FSTL5: variants seen among roughly 807,000 people sequenced by gnomAD.
The protein encoded by FSTL5 is follistatin-related protein 5.
A neutral mutation model predicts 89.1 loss-of-function variants in FSTL5; 62 were observed. The observed-to-expected ratio is 0.70, with a 90% CI of 0.57 to 0.86. FSTL5 has a LOEUF of 0.86. Ranked by LOEUF, FSTL5 falls within the 40% of genes least tolerant of loss-of-function variation. FSTL5 has a pLI of 0.00. For synonymous variants in FSTL5, 383 were observed against 346.2 expected, an observed-to-expected ratio of 1.11 and a Z score of -1.18; for missense variants, 1,057 against 1,001.6, an observed-to-expected ratio of 1.06 and a Z score of -0.75.
At chr4:161,778,550 G>A (rs1397218983) in intron 4 of FSTL5, among the ~76,000 whole-genome samples, 1 of 152,172 alleles carries the variant, frequency 6.6e-6, no homozygotes, top group Non-Finnish European at 1.5e-5. Flanking sequence ...ATGATAGACT[G>A]TCTTTATTTT....
rs537860429 is a variant in FSTL5, at chr4:161,990,849, T to C, written c.160+42776A>G. 3.3e-5 allele frequency among the ~76,000 whole-genome samples: 5 copies of C among 152,282 alleles called. No homozygotes were observed. The South Asian group carries it at 1.0e-3, about 32-fold the overall frequency. ...AATATGTGAGCTACAACACACACAA[T>C]TTGAAATTGAACTGTGGAGACCTAA... On this transcript the variant is annotated intron_variant, in intron 3 of 15. Coordinates refer to ENST00000306100, the MANE Select transcript of FSTL5 (RefSeq NM_020116.5).
intron 15 of FSTL5, among the ~76,000 whole-genome samples, chr4:161,445,707 A>G (rs1449637034): frequency 6.6e-6 from 1 of 152,002 alleles, no homozygotes; most frequent in Non-Finnish European, 1.5e-5. Flanking sequence ...CAATTTAGAT[A>G]TAATACAGTT....
At chr4:161,996,648 C>A (rs1480036476) in intron 3 of FSTL5, among the ~76,000 whole-genome samples, 1 of 152,172 alleles carries the variant, frequency 6.6e-6, no homozygotes, top group African/African-American at 2.4e-5. Flanking sequence ...ACTTTTCCTG[C>A]CTTCAGTTGT....
At chr4:161,650,627 T>C (rs1321327416) in intron 7 of FSTL5, among the ~76,000 whole-genome samples, 1 of 152,188 alleles carries the variant, frequency 6.6e-6, no homozygotes, top group Non-Finnish European at 1.5e-5. Flanking sequence ...TACATTTCAT[T>C]GAAAACATGG....
intron 4 of FSTL5, among the ~76,000 whole-genome samples, chr4:161,886,150 G>C (rs1179648959): frequency 6.6e-6 from 1 of 152,138 alleles, no homozygotes; most frequent in Non-Finnish European, 1.5e-5. Flanking sequence ...ATTTGGGAGA[G>C]AGAAAAACAA....
At chr4:161,804,125 A>G (rs1467172939) in intron 4 of FSTL5, among the ~76,000 whole-genome samples, 4 of 152,010 alleles carry the variant, frequency 2.6e-5, no homozygotes, top group South Asian at 2.1e-4. Flanking sequence ...TCATCCTTCA[A>G]ATATTTGTGA....
chr4:161,665,349 C>T (rs1369020697), intron 6 of FSTL5, among the ~76,000 whole-genome samples: 1 of 152,112 alleles, frequency 6.6e-6, no homozygotes, highest in Non-Finnish European at 1.5e-5. Context: ...TCACGCCATT[C>T]TCCTCCCTCA....
chr4:162,140,634 A>G (rs904431227), intron 1 of FSTL5, among the ~76,000 whole-genome samples: 22 of 152,176 alleles, frequency 1.4e-4, no homozygotes, highest in Non-Finnish European at 4.4e-5. Context: ...GTTTCATAAG[A>G]TCATTCAGAC....
intron 8 of FSTL5, chr4:161,552,559 C>T (rs1732252385): frequency 6.6e-6 from 1 of 151,742 alleles, no homozygotes; most frequent in Non-Finnish European, 1.5e-5. Context: ...TTCCAAGCTA[C>T]TTCTACTTTA....
At chr4:161,428,485 G>C (rs1035400037) in intron 15 of FSTL5, among the ~76,000 whole-genome samples, 8 of 152,212 alleles carry the variant, frequency 5.3e-5, no homozygotes, top group African/African-American at 1.9e-4. Flanking sequence ...AAGGTGAGGA[G>C]AAAGAAAATT....
At chr4:161,390,562 C>G (rs1335069899) in intron 15 of FSTL5, among the ~76,000 whole-genome samples, 1 of 152,020 alleles carries the variant, frequency 6.6e-6, no homozygotes, top group East Asian at 1.9e-4. Context: ...TCTCATAAAA[C>G]AGGGTTCCAG....
At chr4:161,999,853 T>C (rs187239408) in intron 3 of FSTL5, among the ~76,000 whole-genome samples, 30 of 152,314 alleles carry the variant, frequency 2.0e-4, no homozygotes, top group African/African-American at 6.3e-4. Context: ...ATCAAAGTCA[T>C]CTCTAGTCTC....
At chr4:161,878,529 GGA>G (rs1378641233) in intron 4 of FSTL5, among the ~76,000 whole-genome samples, 3 of 151,746 alleles carry the variant, frequency 2.0e-5, no homozygotes, top group Non-Finnish European at 4.4e-5. Flanking sequence ...ACTTTATAAA[GGA>G]AACAACCTTC....
intron 10 of FSTL5, among the ~76,000 whole-genome samples, chr4:161,516,816 T>C (rs1329308246): frequency 6.6e-6 from 1 of 151,032 alleles, no homozygotes; most frequent in African/African-American, 2.4e-5. Flanking sequence ...TGATATGTCC[T>C]TGTCATCTTC....
At chr4:161,572,557 T>C (rs1264745441) in intron 8 of FSTL5, among the ~76,000 whole-genome samples, 2 of 152,122 alleles carry the variant, frequency 1.3e-5, no homozygotes, top group African/African-American at 2.4e-5. Context: ...GTGGTGGGAA[T>C]CTTTTTCCCT....
chr4:161,903,826 C>T (rs928499781), intron 4 of FSTL5, among the ~76,000 whole-genome samples: 7 of 151,820 alleles, frequency 4.6e-5, no homozygotes, highest in African/African-American at 1.4e-4. Context: ...AACTGAAAGG[C>T]AAAGACTGAA....
chr4:161,638,218 T>C (rs1735801605), intron 7 of FSTL5, among the ~76,000 whole-genome samples: 1 of 151,738 alleles, frequency 6.6e-6, no homozygotes, highest in Non-Finnish European at 1.5e-5. Flanking sequence ...TTTATTCTCT[T>C]TGAAGCAATT....
At chr4:161,548,784 T>C (rs1233466229) in intron 8 of FSTL5, among the ~76,000 whole-genome samples, 1 of 151,804 alleles carries the variant, frequency 6.6e-6, no homozygotes, top group Non-Finnish European at 1.5e-5. Context: ...GATTCAGGAA[T>C]TATGCAATGA....
intron 8 of FSTL5, among the ~76,000 whole-genome samples, chr4:161,559,577 T>A (rs1282145938): frequency 2.6e-5 from 4 of 151,956 alleles, no homozygotes; most frequent in African/African-American, 9.7e-5. Flanking sequence ...AGTCTCCCTC[T>A]CATTTCTATC....
Sources: allele counts gnomAD v4.1 joint callset (sites outside exome capture counted in the v4.1 genomes callset), GRCh38; gene constraint gnomAD v4.1.1; transcripts MANE v1.5; gene names NCBI Gene and HGNC (gene_info 2026-07-23, HGNC 2026-07-21).